The following SORL1 variants were observed in gnomAD, a reference collection of about 807,000 sequenced individuals.
SORL1 encodes the protein sortilin related receptor 1.
A neutral mutation model predicts 273.7 loss-of-function variants in SORL1; 127 were observed. That is an observed-to-expected ratio of 0.46 (90% CI 0.40 to 0.54). SORL1 has a LOEUF of 0.54. Ranked by LOEUF, SORL1 falls within the 20% of genes least tolerant of loss-of-function variation. The probability of loss-of-function intolerance (pLI) is 0.00; values close to 1 mark genes in which losing one functional copy is unlikely to be tolerated. For missense variants in SORL1, 2,494 were observed against 2,846.1 expected, an observed-to-expected ratio of 0.88 and a Z score of 2.81; for synonymous variants, 1,031 against 1,067.4, an observed-to-expected ratio of 0.97 and a Z score of 0.66.
In SORL1 at chr11:121,503,151, C is replaced by G. The variant is rs143847992; in HGVS notation, c.939+6102C>G. Among the ~76,000 whole-genome samples the G allele has an allele frequency of 3.2e-3, 488 of 152,064 alleles. 6 individuals are homozygous for G. The highest frequency in any genetic ancestry group is 0.011 in the African/African-American group (467 of 41,486). On this transcript the variant is annotated intron_variant, in intron 6 of 47. Coordinates refer to ENST00000260197, the MANE Select transcript of SORL1 (RefSeq NM_003105.6). The stretch of plus-strand genomic sequence containing the variant: ...TCCCAAAGTGTTGGGATTGTAGGCA[C>G]GAGCCACCATGCCCAGCCGTGTTTT...
chr11:121,506,449 G>A (rs1236343152), intron 6 of SORL1, among the ~76,000 whole-genome samples: 1 of 152,176 alleles, frequency 6.6e-6, no homozygotes, highest in Admixed American at 6.5e-5. Context: ...ATGGCAGCAG[G>A]CAAAGAGAGC....
At chr11:121,514,460 G>C (rs117832135) in intron 8 of SORL1, 139 bp downstream of exon 8, 3 of 797,302 alleles carry the variant, frequency 3.8e-6, no homozygotes, top group South Asian at 3.7e-5. Flanking sequence ...CCTGGCTCAC[G>C]TGCGCAGAGA....
At chr11:121,483,225 A>G (rs996420957) in intron 3 of SORL1, among the ~76,000 whole-genome samples, 2 of 152,194 alleles carry the variant, frequency 1.3e-5, no homozygotes, top group African/African-American at 4.8e-5. Flanking sequence ...AGCTGTGACT[A>G]CGGGCCAGCG....
chr11:121,501,623 A>T lies in SORL1; in HGVS notation c.939+4574A>T, dbSNP rs181395276. Among the ~76,000 whole-genome samples the T allele has an allele frequency of 3.4e-3, 516 of 152,364 alleles. 2 individuals are homozygous for T. Among genetic ancestry groups the T allele is most frequent in the Non-Finnish European group, 3.8e-3 (256 of 68,034 alleles). ...TGAAGGAGGAGCAAAGGCATGGCTT[A>T]CGTGGCGGCAGGCAAGAGAGTGTGT... On this transcript the variant is annotated intron_variant, in intron 6 of 47. Transcript: ENST00000260197.
At chr11:121,578,902 A>G (rs1591336068) in intron 25 of SORL1, among the ~76,000 whole-genome samples, 1 of 152,216 alleles carries the variant, frequency 6.6e-6, no homozygotes, top group African/African-American at 2.4e-5. Flanking sequence ...AGGAGGAAGA[A>G]CCGAGGCCCA....
chr11:121,490,199 G>A, intron 5 of SORL1, 89 bp downstream of exon 5: 2 of 840,938 alleles, frequency 2.4e-6, no homozygotes, highest in East Asian at 2.5e-5. Flanking sequence ...GCCCTCCCCT[G>A]AAATGTCCAG....
chr11:121,626,659 A>G (rs935230144), intron 46 of SORL1: 2 of 152,222 alleles, frequency 1.3e-5, no homozygotes, highest in Non-Finnish European at 2.9e-5. Context: ...CCAGGGAGCA[A>G]CCCTGAGCCT....
At chr11:121,604,436 A>G in intron 33 of SORL1, 112 bp downstream of exon 33, 3 of 1,348,830 alleles carry the variant, frequency 2.2e-6, no homozygotes, top group Non-Finnish European at 3.0e-6. Context: ...CTGTTGCTCA[A>G]TCTAAGGATA....
intron 3 of SORL1, 97 bp from the exon 4 acceptor site, chr11:121,487,935 C>A: frequency 7.6e-7 from 1 of 1,311,134 alleles, no homozygotes; most frequent in Non-Finnish European, 1.1e-6. Flanking sequence ...CTGGCCCCTG[C>A]ACATGTGTGT....
chr11:121,549,582 A>T (rs918826544), intron 14 of SORL1, among the ~76,000 whole-genome samples: 1 of 152,170 alleles, frequency 6.6e-6, no homozygotes, highest in African/African-American at 2.4e-5. Context: ...ACTTCTTCAG[A>T]TTCTGTCAAA....
chr11:121,472,584 AG>A (rs1156446954), intron 2 of SORL1, among the ~76,000 whole-genome samples: 1 of 152,228 alleles, frequency 6.6e-6, no homozygotes, highest in Non-Finnish European at 1.5e-5. Flanking sequence ...TGAGTGAACC[AG>A]GGTGGTTTGT....
At chr11:121,463,115 G>A (rs956539089) in intron 1 of SORL1, among the ~76,000 whole-genome samples, 31 of 152,112 alleles carry the variant, frequency 2.0e-4, no homozygotes, top group Non-Finnish European at 4.1e-4. Flanking sequence ...CTCTGACTGT[G>A]TTTCCTGCAC....
In SORL1 at chr11:121,622,247, A is replaced by G. The variant is rs778475997; in HGVS notation, c.6150A>G (p.Glu2050=). The change falls in exon 45 of 48, where the codon GAA becomes GAG. Residue 2050 remains glutamate (E), a synonymous_variant. Transcript: ENST00000260197. ...TTTGGAAAAGCCTGGCTTTAAAGGA[A>G]AAGCATTTTAATGAAAGCAGGGTAA... is the stretch of plus-strand genomic sequence containing the variant. ...LLFWKSLALK[E]KHFNESRGYE... is the part of the protein sequence containing the mutation. The G allele has an allele frequency of 2.5e-6, 4 of 1,607,714 alleles. No individual in the cohort carries two copies. Among genetic ancestry groups the G allele is most frequent in the Non-Finnish European group, 2.6e-6 (3 of 1,175,010 alleles).
In SORL1 at chr11:121,622,646, C is replaced by T. The variant is rs113231785; in HGVS notation, c.6171+378C>T. Among the ~76,000 whole-genome samples, 281 of 152,320 alleles carry T rather than the reference C, an allele frequency of 1.8e-3. 2 individuals carry two copies. The highest frequency in any genetic ancestry group is 5.8e-3 in the African/African-American group (241 of 41,568). ...TGAGGGTGGGACTGTGGCTTCAGTACCAGGAGTTGAGCTGCACTCTCAGCC... is the reference window on the plus strand; with the variant it reads ...TGAGGGTGGGACTGTGGCTTCAGTATCAGGAGTTGAGCTGCACTCTCAGCC... On this transcript the variant is annotated intron_variant, in intron 45 of 47. Transcript: ENST00000260197.
rs1230600565 is a variant in SORL1 at position 121,605,099 on chromosome 11, CT to C, written c.4652-11del. On this transcript the variant is annotated splice_polypyrimidine_tract_variant and intron_variant, in intron 33 of 47. Coordinates refer to ENST00000260197, the MANE Select transcript of SORL1 (RefSeq NM_003105.6). The stretch of plus-strand genomic sequence containing the variant: ...ATGTAACTTTGTTTGTCTTTTTCTC[CT>C]TTATCTCTCTAGATGAGTTGACTGT... 3 of 1,599,152 alleles carry C rather than the reference CT, an allele frequency of 1.9e-6. No individual in the cohort carries two copies. In the African/African-American group the frequency reaches 4.0e-5, roughly 22 times the overall value.
At chr11:121,598,602 G>A (rs948402582) in intron 32 of SORL1, among the ~76,000 whole-genome samples, 3 of 152,156 alleles carry the variant, frequency 2.0e-5, no homozygotes, top group African/African-American at 4.8e-5. Context: ...AGTGATCTTC[G>A]CTTGCCTGTT....
rs553163991 is a variant in SORL1, at chr11:121,508,089, A to T, written c.940-4914A>T. Among the ~76,000 whole-genome samples the T allele has an allele frequency of 6.7e-4, 102 of 152,036 alleles. 1 individual carries two copies. The highest frequency in any genetic ancestry group is 9.7e-4 in the Non-Finnish European group (66 of 67,974). ...AATGATAAGACAGAGATTTTCTTAA[A>T]CTCTTTGAACCACTAAGTCTCTCAG... On this transcript the variant is annotated intron_variant, in intron 6 of 47. Coordinates refer to ENST00000260197, the MANE Select transcript of SORL1 (RefSeq NM_003105.6).
chr11:121,549,583 T>G (rs1336377428), intron 14 of SORL1, among the ~76,000 whole-genome samples: 2 of 152,222 alleles, frequency 1.3e-5, no homozygotes, highest in Non-Finnish European at 1.5e-5. Context: ...CTTCTTCAGA[T>G]TCTGTCAAAA....
intron 10 of SORL1, 22 bp downstream of exon 10, chr11:121,522,725 C>T (rs1862059279): frequency 1.3e-6 from 2 of 1,580,638 alleles, no homozygotes; most frequent in East Asian, 4.5e-5. Context: ...TGCCTGTTCT[C>T]AAAAGGGGTT....
Sources: allele counts gnomAD v4.1 joint callset (sites outside exome capture counted in the v4.1 genomes callset), GRCh38; gene constraint gnomAD v4.1.1; transcripts MANE v1.5; gene names NCBI Gene and HGNC (gene_info 2026-07-23, HGNC 2026-07-21).